The following ADAMTS9 variants were observed in gnomAD, a reference collection of about 807,000 sequenced individuals.
The protein encoded by ADAMTS9 is ADAM metallopeptidase with thrombospondin type 1 motif 9, also known as A disintegrin and metalloproteinase with thrombospondin motifs 9.
In ADAMTS9, 107 loss-of-function variants were observed where a neutral mutation model predicts 257.1. The ratio of observed to expected loss-of-function variants is 0.42; its 90% confidence interval spans 0.36 to 0.49. The LOEUF (loss-of-function observed/expected upper bound fraction) is 0.49. Among genes scored for constraint, ADAMTS9 ranks in the 20% least tolerant of loss-of-function variants. ADAMTS9 has a pLI of 0.03. For missense variants in ADAMTS9, 2,353 were observed against 2,469.1 expected (o/e 0.95, Z 1.00); for synonymous variants, 982 against 880.9 (o/e 1.11, Z -2.03).
intron 10 of ADAMTS9, 56 bp from the exon 11 acceptor site, chr3:64,648,100 A>G: frequency 6.6e-7 from 1 of 1,503,862 alleles, no homozygotes; most frequent in Non-Finnish European, 9.1e-7. Flanking sequence ...TGGCAGTATC[A>G]AACAAAGCAA....
chr3:64,598,319 ATTT>A (rs34859673), intron 26 of ADAMTS9, among the ~76,000 whole-genome samples: 8,170 of 136,258 alleles, frequency 0.06, 223 homozygotes, highest in Non-Finnish European at 0.076. Context: ...TTCATTTCCT[ATTT>A]TTTTTTTTTT....
chr3:64,681,451 G>A, intron 2 of ADAMTS9, 88 bp from the exon 3 acceptor site: 1 of 1,376,080 alleles, frequency 7.3e-7, no homozygotes. Flanking sequence ...AAGTAGAGAT[G>A]GTGTCATTTT....
chr3:64,642,441 AG>A (rs67381407), intron 11 of ADAMTS9, among the ~76,000 whole-genome samples: 70,398 of 151,488 alleles, frequency 0.46, 17,001 homozygotes, highest in African/African-American at 0.6. Flanking sequence ...TATATTGGAG[AG>A]GGGGGAAAAA....
chr3:64,660,709 A>G (rs1434646807), intron 3 of ADAMTS9, among the ~76,000 whole-genome samples: 1 of 152,212 alleles, frequency 6.6e-6, no homozygotes, highest in African/African-American at 2.4e-5. Flanking sequence ...ACTTAATGAC[A>G]GCCTCACAGT....
chr3:64,686,921 G>T lies in ADAMTS9; in HGVS notation c.163C>A (p.Arg55=). 1 of 1,614,202 alleles carries T rather than the reference G, an allele frequency of 6.2e-7. No individual in the cohort carries two copies. Among genetic ancestry groups the T allele is most frequent in the Non-Finnish European group, 8.5e-7 (1 of 1,180,038 alleles). The part of the protein sequence containing the change: ...LSEYEIVSPI[R]VNALGEPFPT... ...AAGGGTTCTCCGAGAGCGTTCACTC[G>T]GATGGGAGACACGATTTCGTATTCG... Residue 55 remains arginine, a synonymous_variant, in exon 2 of 40, where the codon CGA becomes AGA. Transcript: ENST00000498707. The surrounding 1 kb of genome is among the most constrained non-coding windows in gnomAD (Gnocchi z 4.6).
chr3:64,654,307 G>A, intron 8 of ADAMTS9, 46 bp downstream of exon 8: 1 of 1,565,530 alleles, frequency 6.4e-7, no homozygotes, highest in Non-Finnish European at 8.8e-7. Flanking sequence ...GGAATAAAAG[G>A]TTTAGGTCAC....
intron 28 of ADAMTS9, chr3:64,582,486 A>G (rs991559367): frequency 6.6e-6 from 1 of 152,150 alleles, no homozygotes; most frequent in African/African-American, 2.4e-5. Context: ...TGTCTGGTAA[A>G]TGCTGATGTT....
chr3:64,678,947 G>A (rs951406721), intron 3 of ADAMTS9, among the ~76,000 whole-genome samples: 2 of 152,168 alleles, frequency 1.3e-5, no homozygotes, highest in African/African-American at 2.4e-5. Context: ...ATGAAGGAAC[G>A]GCATGCCATA....
chr3:64,522,726 G>A (rs2082868953), intron 38 of ADAMTS9, among the ~76,000 whole-genome samples: 1 of 151,846 alleles, frequency 6.6e-6, no homozygotes. Context: ...ATTTGAGAGT[G>A]TTTTGAGTGA....
rs532247255 is a variant in ADAMTS9 at position 64,655,580 on chromosome 3, T to A, written c.1165A>T (p.Thr389Ser). 1 of 1,611,846 alleles carries A rather than the reference T, an allele frequency of 6.2e-7. No homozygotes were observed. The highest frequency in any genetic ancestry group is 1.3e-5 in the African/African-American group (1 of 74,982). ...AGGAATAAGAAATCCATATACCTTG[T>A]TAAGAGAACAGCAGTATCATGATGG... is the stretch of plus-strand genomic sequence containing the variant. ...GIHHDTAVLL[T>S]RQDICRAHDK... The change falls in exon 6 of 40, where the codon ACA becomes TCA. Residue 389 changes from threonine to serine, a missense_variant. This residue lies in a region of ADAMTS9 where 591 missense variants were observed against 569.6 expected (regional missense o/e 1.04). Transcript: ENST00000498707.
chr3:64,633,945 C>G lies in ADAMTS9; in HGVS notation c.1857-66G>C, dbSNP rs1211527951. On this transcript the variant is annotated intron_variant, in intron 12 of 39. Coordinates refer to ENST00000498707, the MANE Select transcript of ADAMTS9 (RefSeq NM_182920.2). ...TCATGTATTCCTCTGAACATCACTC[C>G]TTCATTCATGACTTCCTGTCTTCTA... 1.9e-5 allele frequency: 26 copies of G among 1,403,486 alleles called. No individual in the cohort carries two copies. The South Asian group carries it at 3.5e-4, about 19-fold the overall frequency. The allele number at this position is 1,403,486 out of a possible 1,614,324, so 86.9% of individuals were successfully genotyped here.
intron 28 of ADAMTS9, chr3:64,589,058 A>G (rs981464367): frequency 1.3e-5 from 2 of 152,244 alleles, no homozygotes; most frequent in Non-Finnish European, 2.9e-5. Context: ...TAGTAAAAGT[A>G]TCATATTTAT....
At chr3:64,619,522 T>C (rs1448076886) in intron 19 of ADAMTS9, among the ~76,000 whole-genome samples, 1 of 152,170 alleles carries the variant, frequency 6.6e-6, no homozygotes, top group Non-Finnish European at 1.5e-5. Flanking sequence ...GCCTCTATTT[T>C]CCTTATTTGT....
chr3:64,621,081 A>G (rs1576126102), intron 19 of ADAMTS9, 33 bp downstream of exon 19: 5 of 1,578,642 alleles, frequency 3.2e-6, no homozygotes, highest in Non-Finnish European at 4.3e-6. Flanking sequence ...CTCACAATTC[A>G]GTAATAAAGG....
At chr3:64,539,599 T>G (rs2083095135) in intron 36 of ADAMTS9, among the ~76,000 whole-genome samples, 1 of 152,086 alleles carries the variant, frequency 6.6e-6, no homozygotes, top group South Asian at 2.1e-4. Context: ...CCTACATAAA[T>G]AAATATGTGA....
chr3:64,622,307 C>T lies in ADAMTS9; in HGVS notation c.2577G>A (p.Leu859=), dbSNP rs779474122. 6 of 1,613,516 alleles carry T rather than the reference C, an allele frequency of 3.7e-6. No homozygotes were observed. The highest frequency in any genetic ancestry group is 1.6e-4 in the Middle Eastern group (1 of 6,078). Residue 859 remains leucine, a synonymous_variant, in exon 18 of 40, where the codon TTG becomes TTA. Transcript: ENST00000498707. ...LLLQVLSVGK[L]YNPDVRYSFN... Reference sequence around the variant, plus strand: ...AAGAATAGCGTACATCGGGGTTGTACAACTTTCCCACCGACAAAACCTAGA... The same window carrying T: ...AAGAATAGCGTACATCGGGGTTGTATAACTTTCCCACCGACAAAACCTAGA...
chr3:64,678,427 C>A (rs574565655), intron 3 of ADAMTS9, among the ~76,000 whole-genome samples: 2 of 152,320 alleles, frequency 1.3e-5, no homozygotes, highest in East Asian at 3.9e-4. Flanking sequence ...TCAAATTTAG[C>A]TAAACATCTG....
chr3:64,604,397 C>G (rs1242159126), intron 23 of ADAMTS9, 66 bp from the exon 24 acceptor site: 1 of 1,166,632 alleles, frequency 8.6e-7, no homozygotes. Context: ...AGGTAATGGT[C>G]ATGGTGGATA....
chr3:64,579,407 A>G (rs1042220975), intron 28 of ADAMTS9, among the ~76,000 whole-genome samples: 9 of 152,128 alleles, frequency 5.9e-5, no homozygotes, highest in Non-Finnish European at 1.3e-4. Context: ...TCTAATTCTC[A>G]CCTACTCTTC....
Sources: allele counts gnomAD v4.1 joint callset (sites outside exome capture counted in the v4.1 genomes callset), GRCh38; gene constraint gnomAD v4.1.1; regional missense constraint gnomAD v4.1.1; non-coding constraint Gnocchi (gnomAD v3.1); transcripts MANE v1.5; gene names NCBI Gene and HGNC (gene_info 2026-07-23, HGNC 2026-07-21).